The following HIVEP3 variants were observed in gnomAD, a reference collection of about 807,000 sequenced individuals.
HIVEP3 encodes the protein transcription factor HIVEP3.
HIVEP3 carries 49 observed loss-of-function variants against 152.8 expected under a neutral mutation model. The ratio of observed to expected loss-of-function variants is 0.32; its 90% CI spans 0.26 to 0.41. The LOEUF (loss-of-function observed/expected upper bound fraction) is 0.41. Ranked by LOEUF, HIVEP3 falls within the 10% of genes least tolerant of loss-of-function variation. The probability of loss-of-function intolerance (pLI) is 1.00; values close to 1 mark genes in which losing one functional copy is unlikely to be tolerated. For synonymous variants in HIVEP3, 1,269 were observed against 1,289.0 expected (o/e 0.98, Z 0.33); for missense variants, 2,790 against 3,103.3 (o/e 0.90, Z 2.40).
intron 1 of HIVEP3, among the ~76,000 whole-genome samples, chr1:41,888,202 ATTTTTTTTT>A (rs61561436): frequency 3.0e-5 from 3 of 99,202 alleles, no homozygotes; most frequent in African/African-American, 4.2e-5. Context: ...CGCCCGGCTA[ATTTTTTTTT>A]TTTTTTTTTT....
intron 1 of HIVEP3, among the ~76,000 whole-genome samples, chr1:42,028,664 A>G (rs1181594380): frequency 2.0e-5 from 3 of 152,228 alleles, no homozygotes; most frequent in African/African-American, 4.8e-5. Flanking sequence ...TATGCCAAGT[A>G]TAGTTACCCT....
chr1:41,603,320 G>A (rs1005494224), intron 3 of HIVEP3, among the ~76,000 whole-genome samples: 2 of 151,580 alleles, frequency 1.3e-5, no homozygotes, highest in Admixed American at 1.3e-4. Context: ...CACCCACCTC[G>A]GCCTCCCAAA....
intron 3 of HIVEP3, among the ~76,000 whole-genome samples, chr1:41,606,733 AT>A (rs1293806286): frequency 2.0e-5 from 3 of 151,774 alleles, no homozygotes; most frequent in Non-Finnish European, 4.4e-5. Flanking sequence ...TTAAAAAACT[AT>A]TTTTTTCAAA....
intron 1 of HIVEP3, among the ~76,000 whole-genome samples, chr1:41,941,034 A>T (rs950708712): frequency 6.6e-6 from 1 of 152,230 alleles, no homozygotes; most frequent in Non-Finnish European, 1.5e-5. Context: ...AATTTTGCTG[A>T]AAGTATCTAT....
chr1:41,644,243 G>A (rs1645424178), intron 2 of HIVEP3, among the ~76,000 whole-genome samples: 1 of 152,074 alleles, frequency 6.6e-6, no homozygotes, highest in South Asian at 2.1e-4. Context: ...CTGTCAGGCT[G>A]TGGCCACCTA....
chr1:41,746,198 G>C (rs745383842), intron 1 of HIVEP3, among the ~76,000 whole-genome samples: 1 of 152,076 alleles, frequency 6.6e-6, no homozygotes, highest in Non-Finnish European at 1.5e-5. Context: ...ATTGTATTTA[G>C]AGAAAAAAAA....
chr1:42,009,879 G>C (rs944092383), intron 1 of HIVEP3, among the ~76,000 whole-genome samples: 1 of 152,088 alleles, frequency 6.6e-6, no homozygotes, highest in Non-Finnish European at 1.5e-5. Flanking sequence ...GTTTCTGAAA[G>C]ATTTTCTCAA....
chr1:41,845,584 T>C (rs1029245320), intron 1 of HIVEP3, among the ~76,000 whole-genome samples: 7 of 152,194 alleles, frequency 4.6e-5, no homozygotes, highest in Admixed American at 1.3e-4. Flanking sequence ...CATTAAAAAC[T>C]CATGTTTTAT....
intron 2 of HIVEP3, among the ~76,000 whole-genome samples, chr1:41,663,092 T>C (rs1317257473): frequency 1.3e-5 from 2 of 152,220 alleles, no homozygotes; most frequent in South Asian, 4.1e-4. Context: ...TGGTCCTTGC[T>C]CTGGCCAGGA....
intron 1 of HIVEP3, among the ~76,000 whole-genome samples, chr1:41,737,848 G>T (rs1016625048): frequency 8.5e-5 from 13 of 152,206 alleles, no homozygotes; most frequent in Non-Finnish European, 1.5e-4. Context: ...TGTGGAAACG[G>T]CTTACAGATT....
At chr1:41,914,082 A>C (rs566946654) in intron 1 of HIVEP3, among the ~76,000 whole-genome samples, 1 of 152,266 alleles carries the variant, frequency 6.6e-6, no homozygotes, top group East Asian at 1.9e-4. Flanking sequence ...TTCCAGCTGC[A>C]CCTGGCATTT....
chr1:41,909,128 T>C (rs1017887714), intron 1 of HIVEP3, among the ~76,000 whole-genome samples: 1 of 152,146 alleles, frequency 6.6e-6, no homozygotes, highest in Non-Finnish European at 1.5e-5. Flanking sequence ...AATATCTTCA[T>C]TGTGTTGGAG....
At chr1:41,742,320 A>T (rs1006661363) in intron 1 of HIVEP3, among the ~76,000 whole-genome samples, 2 of 152,186 alleles carry the variant, frequency 1.3e-5, no homozygotes, top group Non-Finnish European at 2.9e-5. Flanking sequence ...TCCCCAGCAT[A>T]TGCCAGCCAC....
chr1:41,853,955 C>T (rs921524739), intron 1 of HIVEP3, among the ~76,000 whole-genome samples: 3 of 152,148 alleles, frequency 2.0e-5, no homozygotes, highest in African/African-American at 7.2e-5. Flanking sequence ...GGAGCTCACA[C>T]ATCGAGGAGC....
chr1:41,967,154 T>C (rs1645203465), intron 1 of HIVEP3, among the ~76,000 whole-genome samples: 1 of 152,136 alleles, frequency 6.6e-6, no homozygotes, highest in South Asian at 2.1e-4. Context: ...AGAAAATTAA[T>C]AAAGATATTC....
chr1:41,632,163 C>A (rs149267440), intron 2 of HIVEP3, among the ~76,000 whole-genome samples: 1 of 152,312 alleles, frequency 6.6e-6, no homozygotes, highest in African/African-American at 2.4e-5. Flanking sequence ...CAGGCAGGGT[C>A]ATTCTGACTC....
chr1:41,743,800 C>T (rs560013441), intron 1 of HIVEP3, among the ~76,000 whole-genome samples: 1 of 152,216 alleles, frequency 6.6e-6, no homozygotes, highest in African/African-American at 2.4e-5. Flanking sequence ...TGAGTGGTTG[C>T]ATTGAATGCC....
intron 1 of HIVEP3, among the ~76,000 whole-genome samples, chr1:41,784,611 A>T (rs1649239846): frequency 6.6e-6 from 1 of 152,180 alleles, no homozygotes; most frequent in Non-Finnish European, 1.5e-5. Context: ...GGGATACAGG[A>T]GCAACACCCC....
intron 2 of HIVEP3, among the ~76,000 whole-genome samples, chr1:41,669,370 G>A (rs1464012947): frequency 6.6e-6 from 1 of 152,152 alleles, no homozygotes; most frequent in East Asian, 1.9e-4. Context: ...TGGGAGGAGG[G>A]TGTGATGGTT....
Sources: gnomAD v4.1 joint callset for allele counts (sites outside exome capture counted in the v4.1 genomes callset) on GRCh38, gnomAD v4.1.1 for gene constraint, MANE v1.5 for transcripts, NCBI Gene and HGNC (gene_info 2026-07-23, HGNC 2026-07-21) for gene names.